FZD3: variants seen among roughly 807,000 people sequenced by gnomAD.
The protein encoded by FZD3 is frizzled-3.
In FZD3, 30 loss-of-function variants were observed where a neutral mutation model predicts 60.7. The ratio of observed to expected loss-of-function variants is 0.49; its 90% CI spans 0.37 to 0.67. The LOEUF is 0.67. FZD3 is among the 30% of genes least tolerant of loss of function. FZD3 has a pLI of 0.00. For synonymous variants in FZD3, 246 were observed against 275.2 expected (o/e 0.89, Z 1.05); for missense variants, 605 against 838.7 (o/e 0.72, Z 3.44).
rs755633908 is a variant in FZD3 at position 28,527,308 on chromosome 8, G to A, written c.548G>A (p.Arg183His). 11 of 1,613,872 alleles carry A rather than the reference G, an allele frequency of 6.8e-6. No homozygotes were observed. Among genetic ancestry groups the A allele is most frequent in the Admixed American group, 1.7e-5 (1 of 59,988 alleles). Residue 183 changes from arginine (R) to histidine (H), a missense_variant, in exon 5 of 8, where the codon CGT becomes CAT. Coordinates refer to ENST00000240093, the MANE Select transcript of FZD3 (RefSeq NM_017412.4). The surrounding 1 kb of genome is among the most constrained non-coding windows in gnomAD (Gnocchi z 5.0). ...CTGGGTTATTCTTTTCTGCATGTGC[G>A]TGATTGTTCACCTCCTTGTCCAAAT... ...PDLGYSFLHV[R>H]DCSPPCPNMY... is the part of the protein sequence containing the mutation.
At chr8:28,532,728 A>G (rs1316083116) in intron 5 of FZD3, among the ~76,000 whole-genome samples, 1 of 151,688 alleles carries the variant, frequency 6.6e-6, no homozygotes, top group East Asian at 1.9e-4. Context: ...TATTTTGTGT[A>G]TTGGTTTTAT....
At chr8:28,554,598 A>G (rs1490084328) in intron 6 of FZD3, among the ~76,000 whole-genome samples, 1 of 152,064 alleles carries the variant, frequency 6.6e-6, no homozygotes, top group East Asian at 1.9e-4. Context: ...TTCTTTGTCT[A>G]TGAAATGGGG....
At position 28,550,481 on chromosome 8, in the gene FZD3, C is replaced by CTTTTTTTTT. The variant is rs386412443; in HGVS notation, c.1405-1105_1405-1097dup. ...ACAAATACTTTATTTCTTCTTTTAT[C>CTTTTTTTTT]TTTTTTTTTTTTTTTTTTTTTTTTT... On this transcript the variant is annotated intron_variant, in intron 5 of 7. Coordinates refer to ENST00000240093, the MANE Select transcript of FZD3 (RefSeq NM_017412.4). Among the ~76,000 whole-genome samples, 55 of 34,334 alleles carry CTTTTTTTTT rather than the reference C, an allele frequency of 1.6e-3. 1 individual carries two copies. Among genetic ancestry groups the CTTTTTTTTT allele is most frequent in the African/African-American group, 2.3e-3 (17 of 7,514 alleles). The allele number at this position is 34,334 out of a possible 152,430, so 22.5% of individuals were successfully genotyped here. A position where few individuals can be genotyped will look rare whatever the true frequency, so the allele number is the denominator to read the frequency against.
chr8:28,558,693 A>G (rs1035231375), intron 7 of FZD3, among the ~76,000 whole-genome samples: 1 of 152,132 alleles, frequency 6.6e-6, no homozygotes, highest in African/African-American at 2.4e-5. Flanking sequence ...CAGCCTCCCA[A>G]AGAGCTGGGA....
At chr8:28,499,011 C>A (rs1803920803) in intron 1 of FZD3, among the ~76,000 whole-genome samples, 1 of 152,190 alleles carries the variant, frequency 6.6e-6, no homozygotes. Context: ...TACAGTAGAG[C>A]AGTAGTGTAT....
intron 4 of FZD3, among the ~76,000 whole-genome samples, chr8:28,523,164 A>G (rs141538967): frequency 1.9e-3 from 283 of 152,322 alleles, no homozygotes; most frequent in Middle Eastern, 3.4e-3. Context: ...TTGTGCTGCT[A>G]TAACAAAATA....
intron 1 of FZD3, among the ~76,000 whole-genome samples, chr8:28,494,756 C>T (rs1803794034): frequency 6.6e-6 from 1 of 151,878 alleles, no homozygotes; most frequent in South Asian, 2.1e-4. Context: ...CCCTGCGCGG[C>T]GGAGAGAGGG....
intron 7 of FZD3, among the ~76,000 whole-genome samples, chr8:28,559,868 C>G (rs1805583604): frequency 6.6e-6 from 1 of 152,228 alleles, no homozygotes; most frequent in Non-Finnish European, 1.5e-5. Flanking sequence ...TCCCAATACT[C>G]ACTCTGGCCC....
chr8:28,560,317 C>A (rs1805592219), intron 7 of FZD3, among the ~76,000 whole-genome samples: 1 of 152,140 alleles, frequency 6.6e-6, no homozygotes, highest in African/African-American at 2.4e-5. Context: ...CTGTGTATTA[C>A]AGTCAGTGGT....
intron 5 of FZD3, among the ~76,000 whole-genome samples, chr8:28,529,052 A>G (rs1449168533): frequency 6.6e-6 from 1 of 152,094 alleles, no homozygotes; most frequent in Non-Finnish European, 1.5e-5. Flanking sequence ...ATTAGCTAGG[A>G]CTACAGGTGT....
chr8:28,548,796 C>T (rs1805351246), intron 5 of FZD3, among the ~76,000 whole-genome samples: 1 of 152,028 alleles, frequency 6.6e-6, no homozygotes, highest in South Asian at 2.1e-4. Context: ...GGGATTGTGT[C>T]AAATTTAATA....
intron 7 of FZD3, among the ~76,000 whole-genome samples, chr8:28,561,137 A>C (rs1402629056): frequency 6.6e-6 from 1 of 152,022 alleles, no homozygotes; most frequent in Admixed American, 6.6e-5. Context: ...GCTCACTGCA[A>C]CCTCCGCCTC....
At chr8:28,529,898 G>A (rs769935440) in intron 5 of FZD3, among the ~76,000 whole-genome samples, 10 of 152,088 alleles carry the variant, frequency 6.6e-5, no homozygotes, top group Non-Finnish European at 1.5e-4. Flanking sequence ...CCCCATGTCA[G>A]TTTCTAGGAT....
Position 28,570,739 on chromosome 8 carries a change from C to A in FZD3, c.*7728C>A, listed in dbSNP as rs1480681329. Reference sequence around the variant, plus strand: ...ACTAGGCCAAGGAAGTTCCTGTTACCTTTGAAAATCATTGTGTTTGCTCTG... The same window carrying A: ...ACTAGGCCAAGGAAGTTCCTGTTACATTTGAAAATCATTGTGTTTGCTCTG... On this transcript the variant is annotated 3_prime_UTR_variant, in exon 8 of 8. Coordinates refer to ENST00000240093, the MANE Select transcript of FZD3 (RefSeq NM_017412.4). 1 of 151,756 alleles carries A rather than the reference C, an allele frequency of 6.6e-6. No homozygotes were observed. The highest frequency in any genetic ancestry group is 1.9e-4 in the East Asian group (1 of 5,198). The allele number at this position is 151,756 out of a possible 1,614,324, so 9.4% of individuals were successfully genotyped here. A position where few individuals can be genotyped will look rare whatever the true frequency, so the allele number is the denominator to read the frequency against.
At position 28,555,962 on chromosome 8, in the gene FZD3, G is replaced by T; in HGVS notation, c.1778G>T (p.Arg593Leu). The change falls in exon 7 of 8, where the codon CGT (arginine) becomes CTT (leucine). Residue 593 changes from arginine to leucine, a missense_variant. Physicochemically the swap from Arg to Leu is moderately radical, Grantham distance 102. Coordinates refer to ENST00000240093, the MANE Select transcript of FZD3 (RefSeq NM_017412.4). ...SSYHGSLHRS[R>L]DGRYTPCSYR... The stretch of plus-strand genomic sequence containing the variant: ...TACCACGGCAGCCTCCACAGATCAC[G>T]TGATGGCAGGTGAGTTTTGTTAGTA... The T allele has an allele frequency of 4.4e-6, 7 of 1,597,112 alleles. No homozygotes were observed. Among genetic ancestry groups the T allele is most frequent in the Non-Finnish European group, 6.0e-6 (7 of 1,164,936 alleles).
At chr8:28,533,874 C>T (rs1345542061) in intron 5 of FZD3, among the ~76,000 whole-genome samples, 1 of 152,040 alleles carries the variant, frequency 6.6e-6, no homozygotes, top group Non-Finnish European at 1.5e-5. Context: ...ATATGTGAGT[C>T]CCATGAATTC....
Position 28,565,342 on chromosome 8 carries a change from C to G in FZD3, c.*2331C>G, listed in dbSNP as rs565582306. The G allele has an allele frequency of 1.9e-3, 286 of 152,280 alleles. 1 individual carries two copies. Among genetic ancestry groups the G allele is most frequent in the African/African-American group, 6.3e-3 (263 of 41,574 alleles). 9.4% of individuals were successfully genotyped at this position (152,280 alleles called of 1,614,324 possible). ...AACCGACAATTAGTAAACATTTTCT[C>G]TGAAAGCCAAACATATAACAACTTA... On this transcript the variant is annotated 3_prime_UTR_variant, in exon 8 of 8. Coordinates refer to ENST00000240093, the MANE Select transcript of FZD3 (RefSeq NM_017412.4).
chr8:28,535,827 T>A (rs1442372836), intron 5 of FZD3, among the ~76,000 whole-genome samples: 7 of 152,198 alleles, frequency 4.6e-5, no homozygotes, highest in African/African-American at 1.7e-4. Context: ...ATTTCCTCTA[T>A]TTTTAGTGCC....
intron 2 of FZD3, among the ~76,000 whole-genome samples, chr8:28,501,742 G>A (rs1490512513): frequency 6.6e-6 from 1 of 152,132 alleles, no homozygotes; most frequent in Non-Finnish European, 1.5e-5. Context: ...CTAAAGCTCT[G>A]TGGAAACAAT....
Sources: allele counts gnomAD v4.1 joint callset (sites outside exome capture counted in the v4.1 genomes callset), GRCh38; gene constraint gnomAD v4.1.1; non-coding constraint Gnocchi (gnomAD v3.1); transcripts MANE v1.5; gene names NCBI Gene and HGNC (gene_info 2026-07-23, HGNC 2026-07-21).